THSD7B: variants seen among roughly 807,000 people sequenced by gnomAD.
The protein encoded by THSD7B is thrombospondin type-1 domain-containing protein 7B.
Under a neutral mutation model 213.6 loss-of-function variants are expected in THSD7B, and 138 were observed. The ratio of observed to expected loss-of-function variants is 0.65; its 90% CI spans 0.56 to 0.74. The LOEUF is 0.74. Among genes scored for constraint, THSD7B ranks in the 30% least tolerant of loss-of-function variants. The pLI, the probability that THSD7B is intolerant of heterozygous loss-of-function variation, is 0.00. For missense variants in THSD7B, 1,931 were observed against 1,991.5 expected, an observed-to-expected ratio of 0.97 and a Z score of 0.58; for synonymous variants, 742 against 687.0, an observed-to-expected ratio of 1.08 and a Z score of -1.25.
intron 12 of THSD7B, among the ~76,000 whole-genome samples, chr2:137,380,792 G>A (rs4954376): frequency 0.62 from 93,842 of 152,154 alleles, 30,099 homozygotes; most frequent in East Asian, 0.78. Flanking sequence ...AATTTGGAAC[G>A]CAGGCATACA....
At position 137,588,355 on chromosome 2, in the gene THSD7B, C is replaced by G. The variant is rs567544336; in HGVS notation, c.3423+15799C>G. 3.9e-5 allele frequency among the ~76,000 whole-genome samples: 6 copies of G among 152,266 alleles called. No individual in the cohort carries two copies. In the East Asian group the frequency reaches 5.8e-4, roughly 15 times the overall value. ...CACCCACCGTCCTGCACCCATTGTCCAACAAGCCCCAGTGAGATGAACCCG... is the reference window on the plus strand; with the variant it reads ...CACCCACCGTCCTGCACCCATTGTCGAACAAGCCCCAGTGAGATGAACCCG... On this transcript the variant is annotated intron_variant, in intron 17 of 27. Transcript: ENST00000409968.
At chr2:137,607,537 G>C (rs1682205837) in intron 17 of THSD7B, among the ~76,000 whole-genome samples, 3 of 152,194 alleles carry the variant, frequency 2.0e-5, no homozygotes, top group Admixed American at 2.0e-4. Context: ...TAGTTCTCAT[G>C]GGTCGCAATA....
intron 11 of THSD7B, 123 bp from the exon 12 acceptor site, chr2:137,275,800 A>T: frequency 1.5e-6 from 1 of 678,262 alleles, no homozygotes; most frequent in Non-Finnish European, 2.4e-6. Context: ...TATGACATTG[A>T]TTTCATATCC....
intron 1 of THSD7B, among the ~76,000 whole-genome samples, chr2:136,854,967 C>G (rs1284954587): frequency 1.3e-5 from 2 of 152,072 alleles, no homozygotes; most frequent in Non-Finnish European, 2.9e-5. Flanking sequence ...ATAAGAAGCC[C>G]TTTCCCAGGC....
At position 136,944,922 on chromosome 2, in the gene THSD7B, C is replaced by T. The variant is rs184170447; in HGVS notation, c.139+62605C>T. Among the ~76,000 whole-genome samples the T allele has an allele frequency of 1.8e-3, 281 of 152,156 alleles. 1 individual carries two copies. Among genetic ancestry groups the T allele is most frequent in the Admixed American group, 5.9e-3 (90 of 15,294 alleles). ...TAATATTGTTATGTGTGAATCTGAT[C>T]CTGTCATTATGATGTTAGCTGGTTA... On this transcript the variant is annotated intron_variant, in intron 2 of 27. Transcript: ENST00000409968.
rs376044531 is a variant in THSD7B, at chr2:137,540,822, G to A, written c.3139-22399G>A. ...ACAAAAAGCTTAAAAGGAAAAGCTA[G>A]AGAATGAGATGTTCACAGGGGTTCT... On this transcript the variant is annotated intron_variant, in intron 15 of 27. Transcript: ENST00000409968. Among the ~76,000 whole-genome samples, 7 of 151,860 alleles carry A rather than the reference G, an allele frequency of 4.6e-5. No homozygotes were observed. The South Asian group carries it at 1.5e-3, about 32-fold the overall frequency.
At chr2:137,611,271 T>TAA (rs1318981312) in intron 17 of THSD7B, among the ~76,000 whole-genome samples, 76 of 151,966 alleles carry the variant, frequency 5.0e-4, no homozygotes, top group East Asian at 9.7e-4. Flanking sequence ...TATATATATA[T>TAA]AATCTTTTGA....
chr2:136,950,394 G>T (rs1472206105), intron 2 of THSD7B, among the ~76,000 whole-genome samples: 1 of 152,120 alleles, frequency 6.6e-6, no homozygotes, highest in Non-Finnish European at 1.5e-5. Flanking sequence ...TAGCAAACCT[G>T]CACGTTCTGC....
intron 6 of THSD7B, among the ~76,000 whole-genome samples, chr2:137,161,104 T>C (rs1680010262): frequency 6.6e-6 from 1 of 152,234 alleles, no homozygotes; most frequent in African/African-American, 2.4e-5. Flanking sequence ...TTTCTGATAT[T>C]GATCTTGGGC....
chr2:137,406,425 AGT>A (rs1011070699), intron 13 of THSD7B, among the ~76,000 whole-genome samples: 1 of 152,236 alleles, frequency 6.6e-6, no homozygotes, highest in African/African-American at 2.4e-5. Context: ...TTGATGCAAT[AGT>A]GTATTTTACT....
chr2:137,560,931 G>A (rs1192268644), intron 15 of THSD7B, among the ~76,000 whole-genome samples: 4 of 152,096 alleles, frequency 2.6e-5, no homozygotes, highest in Admixed American at 1.3e-4. Context: ...AGAGCCTTGT[G>A]TTGTGATGGG....
At chr2:137,610,430 G>A (rs1294735106) in intron 17 of THSD7B, among the ~76,000 whole-genome samples, 2 of 152,094 alleles carry the variant, frequency 1.3e-5, no homozygotes, top group Admixed American at 6.6e-5. Context: ...AATATAGTTA[G>A]TGGAATGCTT....
At chr2:136,824,011 G>T (rs1682604341) in intron 1 of THSD7B, among the ~76,000 whole-genome samples, 1 of 151,988 alleles carries the variant, frequency 6.6e-6, no homozygotes, top group Non-Finnish European at 1.5e-5. Flanking sequence ...TAAACATTTT[G>T]CATCCATTAT....
intron 1 of THSD7B, among the ~76,000 whole-genome samples, chr2:136,768,498 A>T (rs778631534): frequency 8.5e-5 from 13 of 152,250 alleles, no homozygotes; most frequent in Non-Finnish European, 1.0e-4. Flanking sequence ...GAATAGAATG[A>T]TGAAGAATAT....
At chr2:137,287,575 T>A (rs1274222649) in intron 12 of THSD7B, among the ~76,000 whole-genome samples, 2 of 152,230 alleles carry the variant, frequency 1.3e-5, no homozygotes, top group Middle Eastern at 3.4e-3. Flanking sequence ...TTAAAAGAGA[T>A]GAGCAACCTA....
intron 7 of THSD7B, among the ~76,000 whole-genome samples, chr2:137,197,935 C>T (rs902775612): frequency 1.4e-4 from 21 of 152,130 alleles, no homozygotes; most frequent in African/African-American, 4.6e-4. Flanking sequence ...TTTCCTATTC[C>T]GCACACACTC....
chr2:137,350,020 C>A (rs941869584), intron 12 of THSD7B, among the ~76,000 whole-genome samples: 1 of 151,730 alleles, frequency 6.6e-6, no homozygotes, highest in African/African-American at 2.4e-5. Flanking sequence ...TTTAAAAAGT[C>A]TCTTATGTAT....
At chr2:136,856,703 A>G (rs1683185024) in intron 1 of THSD7B, among the ~76,000 whole-genome samples, 1 of 152,074 alleles carries the variant, frequency 6.6e-6, no homozygotes. Flanking sequence ...TTTAGTAGAG[A>G]TGGGGTTTCA....
Position 136,984,523 on chromosome 2 carries a change from T to C in THSD7B, c.140-71897T>C, listed in dbSNP as rs563905270. ...CCACCATGGTTGTAAGCCTCCTGGGTCCTCACTAGAAGTCCAGCAGATGTT... is the reference window on the plus strand; with the variant it reads ...CCACCATGGTTGTAAGCCTCCTGGGCCCTCACTAGAAGTCCAGCAGATGTT... On this transcript the variant is annotated intron_variant, in intron 2 of 27. Transcript: ENST00000409968. 3.3e-5 allele frequency among the ~76,000 whole-genome samples: 5 copies of C among 152,286 alleles called. No individual in the cohort carries two copies. In the East Asian group the frequency reaches 9.7e-4, roughly 29 times the overall value.
Sources: allele counts gnomAD v4.1 joint callset (sites outside exome capture counted in the v4.1 genomes callset), GRCh38; gene constraint gnomAD v4.1.1; transcripts MANE v1.5; gene names NCBI Gene and HGNC (gene_info 2026-07-23, HGNC 2026-07-21).